LRP1B: variants seen among roughly 807,000 people sequenced by gnomAD.
LRP1B encodes LDL receptor related protein 1B.
A neutral mutation model predicts 556.6 loss-of-function variants in LRP1B; 217 were observed. The observed-to-expected ratio is 0.39, with a 90% CI of 0.35 to 0.44. The LOEUF is 0.44. Ranked by LOEUF, LRP1B falls within the 20% of genes least tolerant of loss-of-function variation. The pLI, the probability that LRP1B is intolerant of heterozygous loss-of-function variation, is 1.00. For missense variants in LRP1B, 5,053 were observed against 5,620.8 expected, an observed-to-expected ratio of 0.90 and a Z score of 3.23; for synonymous variants, 2,047 against 1,865.8, an observed-to-expected ratio of 1.10 and a Z score of -2.50.
chr2:141,170,583 G>A lies in LRP1B; in HGVS notation c.1013+17838C>T, dbSNP rs150758459. On this transcript the variant is annotated intron_variant, in intron 7 of 90. Coordinates refer to ENST00000389484, the MANE Select transcript of LRP1B (RefSeq NM_018557.3). The stretch of plus-strand genomic sequence containing the variant: ...CCAGTTTATTAACAAGGGCTGACTA[G>A]GCATGGGAAAATAGAAACCCTTCAT... 2.0e-5 allele frequency among the ~76,000 whole-genome samples: 3 copies of A among 152,136 alleles called. No homozygotes were observed. In the East Asian group the frequency reaches 5.8e-4, roughly 30 times the overall value.
chr2:141,264,441 C>T (rs772025549), intron 3 of LRP1B, among the ~76,000 whole-genome samples: 6 of 152,046 alleles, frequency 3.9e-5, no homozygotes, highest in Admixed American at 6.6e-5. Context: ...ACTGAGTTGG[C>T]GGTATTTAGT....
At chr2:140,390,879 A>C (rs1271384944) in intron 66 of LRP1B, among the ~76,000 whole-genome samples, 1 of 151,982 alleles carries the variant, frequency 6.6e-6, no homozygotes, top group Non-Finnish European at 1.5e-5. Flanking sequence ...AACTACAATG[A>C]GATAACACTA....
intron 2 of LRP1B, among the ~76,000 whole-genome samples, chr2:141,545,288 CT>C (rs1685511599): frequency 6.6e-6 from 1 of 152,178 alleles, no homozygotes; most frequent in African/African-American, 2.4e-5. Flanking sequence ...ACTAGGGCCT[CT>C]AGTTTCTAAG....
Position 140,632,520 on chromosome 2 carries a change from TA to T in LRP1B, c.6800-30882del, listed in dbSNP as rs527673719. Among the ~76,000 whole-genome samples, 42 of 151,834 alleles carry T rather than the reference TA, an allele frequency of 2.8e-4. 1 individual carries two copies. Among genetic ancestry groups the T allele is most frequent in the Non-Finnish European group, 5.6e-4 (38 of 67,938 alleles). On this transcript the variant is annotated intron_variant, in intron 41 of 90. Transcript: ENST00000389484. ...ATAAAGCAAAATATAATTGATATGC[TA>T]AAAGAGGAAAAAATGAAATTATACA... is the stretch of plus-strand genomic sequence containing the variant.
At chr2:140,615,061 G>A (rs146670355) in intron 41 of LRP1B, among the ~76,000 whole-genome samples, 8 of 152,218 alleles carry the variant, frequency 5.3e-5, no homozygotes, top group Non-Finnish European at 1.0e-4. Context: ...ATGTAACAGA[G>A]GCCACAAGAT....
Position 140,956,716 on chromosome 2 carries a change from A to G in LRP1B, c.2888-4776T>C, listed in dbSNP as rs1199451484. 1.3e-5 allele frequency among the ~76,000 whole-genome samples: 2 copies of G among 151,724 alleles called. 1 individual carries two copies. The highest frequency in any genetic ancestry group is 6.3e-3 in the Middle Eastern group (2 of 316). On this transcript the variant is annotated intron_variant, in intron 18 of 90. Transcript: ENST00000389484. ...GCCACTCTTTCCTTGCTGTCACATAACAATCTCATTTTATATACCAAGTAT... is the reference window on the plus strand; with the variant it reads ...GCCACTCTTTCCTTGCTGTCACATAGCAATCTCATTTTATATACCAAGTAT...
At chr2:140,432,631 G>A (rs1440532280) in intron 66 of LRP1B, among the ~76,000 whole-genome samples, 1 of 152,130 alleles carries the variant, frequency 6.6e-6, no homozygotes, top group African/African-American at 2.4e-5. Flanking sequence ...ACTCATTATA[G>A]GACTGAGTGT....
intron 18 of LRP1B, among the ~76,000 whole-genome samples, chr2:140,968,481 C>T (rs1354105502): frequency 7.6e-6 from 1 of 131,840 alleles, no homozygotes; most frequent in Non-Finnish European, 1.6e-5. Flanking sequence ...AAAACAACTC[C>T]TGGATTGATT....
At chr2:140,476,890 T>C (rs953920216) in intron 59 of LRP1B, among the ~76,000 whole-genome samples, 2 of 152,080 alleles carry the variant, frequency 1.3e-5, no homozygotes, top group Non-Finnish European at 2.9e-5. Flanking sequence ...TGTTTTTGTA[T>C]ATACATATTA....
chr2:140,801,195 C>T (rs973725616), intron 32 of LRP1B, among the ~76,000 whole-genome samples: 5 of 151,954 alleles, frequency 3.3e-5, no homozygotes, highest in African/African-American at 1.2e-4. Flanking sequence ...GAGACCTGTT[C>T]GTACATGATT....
Position 141,131,407 on chromosome 2 carries a change from T to TTATA in LRP1B, c.1013+57010_1013+57013dup, listed in dbSNP as rs67661603. ...GGTTACAAAATTATAATGCATAAAGTTATATATATATATATATATATATTT... is the reference window on the plus strand; with the variant it reads ...GGTTACAAAATTATAATGCATAAAGTTATATATATATATATATATATATATATTT... On this transcript the variant is annotated intron_variant, in intron 7 of 90. Transcript: ENST00000389484. Among the ~76,000 whole-genome samples the TTATA allele has an allele frequency of 6.7e-3, 737 of 110,690 alleles. 20 individuals are homozygous for TTATA. Among genetic ancestry groups the TTATA allele is most frequent in the Middle Eastern group, 0.022 (3 of 134 alleles). 72.6% of individuals were successfully genotyped at this position (110,690 alleles called of 152,430 possible). A position where few individuals can be genotyped will look rare whatever the true frequency, so the allele number is the denominator to read the frequency against.
At chr2:140,393,666 A>C (rs746477201) in intron 66 of LRP1B, among the ~76,000 whole-genome samples, 9 of 152,130 alleles carry the variant, frequency 5.9e-5, no homozygotes, top group Non-Finnish European at 1.0e-4. Flanking sequence ...TAAATAAATA[A>C]ATAAATAAAT....
At chr2:142,099,393 C>T (rs11691650) in intron 1 of LRP1B, among the ~76,000 whole-genome samples, 133,356 of 151,838 alleles carry the variant, frequency 0.88, 58,683 homozygotes, top group East Asian at 0.94. Flanking sequence ...AAGTCCTTTA[C>T]GTAACATTGC....
intron 41 of LRP1B, among the ~76,000 whole-genome samples, chr2:140,691,982 TTTTTC>T (rs887789935): frequency 2.0e-5 from 3 of 152,098 alleles, no homozygotes; most frequent in Non-Finnish European, 2.9e-5. Flanking sequence ...ACCATTTCTT[TTTTTC>T]TTTTATCTCT....
At chr2:141,888,641 A>G (rs1699194961) in intron 1 of LRP1B, among the ~76,000 whole-genome samples, 1 of 152,202 alleles carries the variant, frequency 6.6e-6, no homozygotes, top group African/African-American at 2.4e-5. Context: ...ATTCTAAAAG[A>G]TGAAAAGCAT....
At chr2:140,996,062 G>C (rs555545213) in intron 15 of LRP1B, among the ~76,000 whole-genome samples, 1 of 151,962 alleles carries the variant, frequency 6.6e-6, no homozygotes, top group South Asian at 2.1e-4. Context: ...GTCTAATCCA[G>C]GAATCGTGTG....
intron 35 of LRP1B, among the ~76,000 whole-genome samples, chr2:140,762,501 C>T (rs1688961514): frequency 1.3e-5 from 2 of 152,056 alleles, no homozygotes; most frequent in African/African-American, 2.4e-5. Context: ...TCTTCCTCTT[C>T]CAACCCCTCA....
At chr2:141,832,347 A>T (rs1478343328) in intron 1 of LRP1B, among the ~76,000 whole-genome samples, 3 of 151,448 alleles carry the variant, frequency 2.0e-5, no homozygotes, top group African/African-American at 7.3e-5. Context: ...ACACACACAC[A>T]CACACACACA....
At chr2:140,695,277 C>T (rs1686390192) in intron 41 of LRP1B, among the ~76,000 whole-genome samples, 1 of 152,048 alleles carries the variant, frequency 6.6e-6, no homozygotes, top group Non-Finnish European at 1.5e-5. Context: ...TTTTGCTCCA[C>T]AGAGCATATG....
Sources: gnomAD v4.1 joint callset for allele counts (sites outside exome capture counted in the v4.1 genomes callset) on GRCh38, gnomAD v4.1.1 for gene constraint, MANE v1.5 for transcripts, NCBI Gene and HGNC (gene_info 2026-07-23, HGNC 2026-07-21) for gene names.